Variants in ERG28 observed in about 807,000 individuals in gnomAD.
ERG28 encodes the protein ergosterol biosynthetic protein 28 homolog.
In ERG28, 9 loss-of-function variants were observed where a neutral mutation model predicts 15.7. The ratio of observed to expected loss-of-function variants is 0.57; its 90% CI spans 0.35 to 1.00. ERG28 has a LOEUF of 1.00. ERG28 is among the 50% of genes least tolerant of loss of function. The probability of loss-of-function intolerance (pLI) is 0.02; values close to 1 mark genes in which losing one functional copy is unlikely to be tolerated. For synonymous variants in ERG28, 61 were observed against 68.4 expected (o/e 0.89, Z 0.53); for missense variants, 117 against 173.3 (o/e 0.68, Z 1.82).
In ERG28 at chr14:75,650,749, G is replaced by A. The variant is rs1284563317; in HGVS notation, c.*806C>T. On this transcript the variant is annotated 3_prime_UTR_variant, in exon 5 of 5. Coordinates refer to ENST00000256319, the MANE Select transcript of ERG28 (RefSeq NM_007176.4). The stretch of plus-strand genomic sequence containing the variant: ...AGGAATGAGCAAATGACAGTAAGGA[G>A]CCGGAGGCAGCCAGGCTGACCTGTG... 2 of 152,472 alleles carry A rather than the reference G, an allele frequency of 1.3e-5. No homozygotes were observed. Among genetic ancestry groups the A allele is most frequent in the Non-Finnish European group, 2.9e-5 (2 of 68,066 alleles). The allele number at this position is 152,472 out of a possible 1,614,324, so 9.4% of individuals were successfully genotyped here.
intron 2 of ERG28, among the ~76,000 whole-genome samples, chr14:75,657,019 CT>C (rs3214359): frequency 0.14 from 19,191 of 132,874 alleles, 1,739 homozygotes; most frequent in African/African-American, 0.29. Context: ...CCTTATAATG[CT>C]TTTTTTTTTT....
chr14:75,654,943 C>T lies in ERG28; in HGVS notation c.167G>A (p.Trp56Ter), dbSNP rs1033754762. Residue 56 changes from tryptophan to a stop codon, truncating the protein, a stop_gained, in exon 3 of 5, where the codon TGG becomes TAG. Transcript: ENST00000256319. LOFTEE classifies it high-confidence loss of function. ...NGLQARTFGI[W>*]TLLSSVIRCL... ...GCGAATCACTGATGAGAGCAGCGTC[C>T]AGATCCCAAAGGTCCGAGCTTGGAG... 2 of 1,613,986 alleles carry T rather than the reference C, an allele frequency of 1.2e-6. No homozygotes were observed. Among genetic ancestry groups the T allele is most frequent in the African/African-American group, 2.7e-5 (2 of 74,910 alleles).
rs187593390 is a variant in ERG28 at position 75,650,954 on chromosome 14, G to A, written c.*601C>T. 2 of 152,794 alleles carry A rather than the reference G, an allele frequency of 1.3e-5. No homozygotes were observed. Among genetic ancestry groups the A allele is most frequent in the Admixed American group, 6.5e-5 (1 of 15,328 alleles). The allele number at this position is 152,794 out of a possible 1,614,324, so 9.5% of individuals were successfully genotyped here. A position where few individuals can be genotyped will look rare whatever the true frequency, so the allele number is the denominator to read the frequency against. ...GTTACACAAATACAGCTGACCAGAA[G>A]GTCTAAAAACAGCCCAGACTCTTCC... On this transcript the variant is annotated 3_prime_UTR_variant, in exon 5 of 5. Transcript: ENST00000256319.
chr14:75,659,465 C>G (rs1291395366), intron 1 of ERG28, among the ~76,000 whole-genome samples: 4 of 151,962 alleles, frequency 2.6e-5, no homozygotes, highest in Admixed American at 6.6e-5. Flanking sequence ...TTAAGTGATC[C>G]TCCTACCTCA....
chr14:75,654,274 A>G (rs982038356), intron 3 of ERG28, among the ~76,000 whole-genome samples: 7 of 152,214 alleles, frequency 4.6e-5, no homozygotes, highest in African/African-American at 1.7e-4. Context: ...AACTGTTTCC[A>G]CCTAGAGTGT....
chr14:75,651,385 A>T lies in ERG28; in HGVS notation c.*170T>A. On this transcript the variant is annotated 3_prime_UTR_variant, in exon 5 of 5. Transcript: ENST00000256319. The stretch of plus-strand genomic sequence containing the variant: ...ATTCTTTAAATTGTACGTACATGTT[A>T]TATACTTTTCAGTATGCATATCTTT... The T allele has an allele frequency of 1.7e-6, 1 of 590,518 alleles. No individual in the cohort carries two copies. The allele number at this position is 590,518 out of a possible 1,614,324, so 36.6% of individuals were successfully genotyped here.
intron 1 of ERG28, among the ~76,000 whole-genome samples, chr14:75,659,888 G>T (rs1236063566): frequency 1.0e-4 from 12 of 114,696 alleles, no homozygotes; most frequent in African/African-American, 3.4e-4. Flanking sequence ...CCAACTCCCC[G>T]CCCCAAACAA....
At position 75,657,415 on chromosome 14, in the gene ERG28, G is replaced by A. The variant is rs1890612901; in HGVS notation, c.88C>T (p.His30Tyr). Residue 30 changes from histidine (H) to tyrosine (Y), a missense_variant, in exon 2 of 5, where the codon CAC (histidine) becomes TAC (tyrosine). By Grantham distance (83) the His-to-Tyr change is moderately conservative. Transcript: ENST00000256319. ...TAGAGCTTTTCATAGAGAAAAGTGT[G>A]GTCTCGGAAGCTCTGCAGCGTGTTC... ...MGNTLQSFRDHTFLYEKLYTG... is the reference protein window; with the variant it reads ...MGNTLQSFRDYTFLYEKLYTG... 6.2e-7 allele frequency: 1 copy of A among 1,612,530 alleles called. No individual in the cohort carries two copies.
At position 75,651,764 on chromosome 14, in the gene ERG28, T is replaced by C; in HGVS notation, c.343+7A>G. ...CTGTAGGAGGTCTAGGGTGGTTGGA[T>C]GCTTACTTGCCACCATCAGGGGTGC... On this transcript the variant is annotated splice_region_variant and intron_variant, in intron 4 of 4. Transcript: ENST00000256319. 6.2e-7 allele frequency: 1 copy of C among 1,608,740 alleles called. No individual in the cohort carries two copies. Among genetic ancestry groups the C allele is most frequent in the Non-Finnish European group, 8.5e-7 (1 of 1,175,080 alleles).
In ERG28 at chr14:75,653,399, C is replaced by T. The variant is rs566839673; in HGVS notation, c.224+1487G>A. On this transcript the variant is annotated intron_variant, in intron 3 of 4. Coordinates refer to ENST00000256319, the MANE Select transcript of ERG28 (RefSeq NM_007176.4). The stretch of plus-strand genomic sequence containing the variant: ...TGGGTGGATCACGAGGTCAGGAGTT[C>T]GAGACCAGCCTGGCCAACATGGTGA... Among the ~76,000 whole-genome samples, 120 of 151,578 alleles carry T rather than the reference C, an allele frequency of 7.9e-4. 1 individual carries two copies. The highest frequency in any genetic ancestry group is 1.5e-3 in the Non-Finnish European group (104 of 67,882).
chr14:75,657,762 C>G (rs187279991), intron 1 of ERG28, among the ~76,000 whole-genome samples: 10 of 152,256 alleles, frequency 6.6e-5, no homozygotes, highest in Non-Finnish European at 1.5e-4. Flanking sequence ...GGAATCAGTC[C>G]TCTATCTTTA....
intron 3 of ERG28, among the ~76,000 whole-genome samples, chr14:75,652,902 C>A (rs1416339582): frequency 6.8e-6 from 1 of 146,006 alleles, no homozygotes; most frequent in Non-Finnish European, 1.5e-5. Context: ...TGGCTCACTG[C>A]AACCTCCGCC....
intron 2 of ERG28, among the ~76,000 whole-genome samples, chr14:75,656,686 C>A (rs1189402975): frequency 6.6e-6 from 1 of 152,206 alleles, no homozygotes; most frequent in Non-Finnish European, 1.5e-5. Context: ...TAAACTACCC[C>A]ACACATCAGC....
intron 2 of ERG28, among the ~76,000 whole-genome samples, chr14:75,655,529 G>C (rs1397209195): frequency 6.6e-6 from 1 of 152,244 alleles, no homozygotes; most frequent in East Asian, 1.9e-4. Context: ...GTGCATGGCA[G>C]TGGGACAAAG....
Position 75,651,449 on chromosome 14 carries a change from A to T in ERG28, c.*106T>A. The T allele has an allele frequency of 8.9e-7, 1 of 1,123,028 alleles. No individual in the cohort carries two copies. 69.6% of individuals were successfully genotyped at this position (1,123,028 alleles called of 1,614,324 possible). A position where few individuals can be genotyped will look rare whatever the true frequency, so the allele number is the denominator to read the frequency against. On this transcript the variant is annotated 3_prime_UTR_variant, in exon 5 of 5. Coordinates refer to ENST00000256319, the MANE Select transcript of ERG28 (RefSeq NM_007176.4). ...TAAAAAAAGAGGCTAAAAGTGAATAAAAGGGCAGATGATGGAATAGAAAAG... is the reference window on the plus strand; with the variant it reads ...TAAAAAAAGAGGCTAAAAGTGAATATAAGGGCAGATGATGGAATAGAAAAG...
intron 1 of ERG28, among the ~76,000 whole-genome samples, chr14:75,659,574 T>C (rs1447857856): frequency 6.6e-6 from 1 of 151,736 alleles, no homozygotes; most frequent in African/African-American, 2.4e-5. Flanking sequence ...TTTTTTTTTT[T>C]TTTTTTAAGG....
chr14:75,659,715 T>C (rs923643859), intron 1 of ERG28, among the ~76,000 whole-genome samples: 2 of 152,218 alleles, frequency 1.3e-5, no homozygotes, highest in African/African-American at 4.8e-5. Flanking sequence ...ACGGTTTATC[T>C]GTTGTCAGGT....
chr14:75,655,084 C>T, intron 2 of ERG28, 108 bp from the exon 3 acceptor site: 1 of 1,082,296 alleles, frequency 9.2e-7, no homozygotes, highest in Non-Finnish European at 1.4e-6. Context: ...CTGGACCTGA[C>T]CTCTCTGTGG....
At chr14:75,653,637 TTG>T (rs781616070) in intron 3 of ERG28, among the ~76,000 whole-genome samples, 10 of 150,656 alleles carry the variant, frequency 6.6e-5, no homozygotes, top group East Asian at 5.8e-4. Context: ...TAAGTCTGGG[TTG>T]TCTTCGCTCA....
Sources: gnomAD v4.1 joint callset for allele counts (sites outside exome capture counted in the v4.1 genomes callset) on GRCh38, gnomAD v4.1.1 for gene constraint, MANE v1.5 for transcripts, NCBI Gene and HGNC (gene_info 2026-07-23, HGNC 2026-07-21) for gene names.